Variants in DGKG observed in about 807,000 individuals in gnomAD.
DGKG encodes diacylglycerol kinase gamma.
DGKG carries 78 observed loss-of-function variants against 105.3 expected under a neutral mutation model. The ratio of observed to expected loss-of-function variants is 0.74; its 90% confidence interval spans 0.62 to 0.89. The LOEUF (loss-of-function observed/expected upper bound fraction) is 0.89, where lower values mean the gene tolerates loss of function less well. Among genes scored for constraint, DGKG ranks in the 40% least tolerant of loss-of-function variants. DGKG has a pLI of 0.00. For missense variants in DGKG, 958 were observed against 1,020.1 expected (o/e 0.94, Z 0.83); for synonymous variants, 346 against 367.1 (o/e 0.94, Z 0.66).
At chr3:186,350,933 G>A (rs1726601487) in intron 1 of DGKG, among the ~76,000 whole-genome samples, 1 of 152,034 alleles carries the variant, frequency 6.6e-6, no homozygotes. Flanking sequence ...ATCAATTTTT[G>A]AATTGGGTTT....
intron 1 of DGKG, among the ~76,000 whole-genome samples, chr3:186,333,371 T>C (rs930964848): frequency 4.6e-5 from 7 of 152,184 alleles, no homozygotes; most frequent in African/African-American, 7.2e-5. Context: ...CTATTTCTTT[T>C]TCTTAATGGG....
Position 186,226,670 on chromosome 3 carries a change from T to C in DGKG, c.1827-14785A>G, listed in dbSNP as rs139543717. On this transcript the variant is annotated intron_variant, in intron 20 of 24. Transcript: ENST00000265022. This position sits in a 1 kb window ranked among gnomAD's most constrained non-coding sequence, Gnocchi z 4.2. ...AGATTACAGACCCGCTTTCAGCTTATTGAGTTCAAAGGCAAGGTAGGGTAC... is the reference window on the plus strand; with the variant it reads ...AGATTACAGACCCGCTTTCAGCTTACTGAGTTCAAAGGCAAGGTAGGGTAC... Among the ~76,000 whole-genome samples, 1 of 152,316 alleles carries C rather than the reference T, an allele frequency of 6.6e-6. No homozygotes were observed. Among genetic ancestry groups the C allele is most frequent in the Non-Finnish European group, 1.5e-5 (1 of 68,020 alleles).
intron 6 of DGKG, among the ~76,000 whole-genome samples, chr3:186,287,047 T>TAAATAAATAAAC (rs1553813503): frequency 6.7e-6 from 1 of 150,284 alleles, no homozygotes; most frequent in Non-Finnish European, 1.5e-5. Context: ...AATAAATAAA[T>TAAATAAATAAAC]AAATAAATAA....
chr3:186,313,207 T>C (rs939290145), intron 2 of DGKG, among the ~76,000 whole-genome samples: 20 of 152,168 alleles, frequency 1.3e-4, no homozygotes, highest in Admixed American at 2.6e-4. Context: ...CTGGGAGGTG[T>C]GGGCAGAACA....
chr3:186,229,026 A>G (rs1719997297), intron 20 of DGKG, among the ~76,000 whole-genome samples: 1 of 152,212 alleles, frequency 6.6e-6, no homozygotes, highest in Non-Finnish European at 1.5e-5. Context: ...CCAGTGACTG[A>G]CGTCCTTATA....
intron 1 of DGKG, among the ~76,000 whole-genome samples, chr3:186,336,727 A>G (rs992973604): frequency 7.2e-5 from 11 of 152,164 alleles, no homozygotes; most frequent in Non-Finnish European, 1.6e-4. Flanking sequence ...TTGGCAGAGT[A>G]TGAGACAGAG....
At chr3:186,238,170 GC>G (rs1477036075) in intron 20 of DGKG, among the ~76,000 whole-genome samples, 1 of 151,780 alleles carries the variant, frequency 6.6e-6, no homozygotes, top group East Asian at 1.9e-4. Context: ...GGTGGTGTGT[GC>G]CTTTAATCCC....
chr3:186,345,421 CTATTT>C (rs1373141465), intron 1 of DGKG, among the ~76,000 whole-genome samples: 1 of 152,056 alleles, frequency 6.6e-6, no homozygotes, highest in African/African-American at 2.4e-5. Flanking sequence ...TTTTCATGCT[CTATTT>C]TATTATCATT....
chr3:186,304,181 C>T (rs1030013566), intron 3 of DGKG, among the ~76,000 whole-genome samples: 1 of 152,244 alleles, frequency 6.6e-6, no homozygotes, highest in Non-Finnish European at 1.5e-5. Context: ...TCCCACTCAT[C>T]AGCCCCAGGG....
chr3:186,191,315 AG>A (rs1717895702), intron 21 of DGKG, among the ~76,000 whole-genome samples: 1 of 152,252 alleles, frequency 6.6e-6, no homozygotes, highest in Non-Finnish European at 1.5e-5. Flanking sequence ...GAATCTTGCC[AG>A]GGATCAGAAT....
chr3:186,360,718 A>C lies in DGKG; in HGVS notation c.-249+1228T>G, dbSNP rs142780651. On this transcript the variant is annotated intron_variant, in intron 1 of 24. Coordinates refer to ENST00000265022, the MANE Select transcript of DGKG (RefSeq NM_001346.3). Reference sequence around the variant, plus strand: ...AGTGGCTCTGCCAGCTGTATTTTACAGACAGAGAATCCCAAGCACCAAAAT... The same window carrying C: ...AGTGGCTCTGCCAGCTGTATTTTACCGACAGAGAATCCCAAGCACCAAAAT... Among the ~76,000 whole-genome samples, 1,210 of 152,266 alleles carry C rather than the reference A, an allele frequency of 7.9e-3. 9 individuals are homozygous for C. Among genetic ancestry groups the C allele is most frequent in the Non-Finnish European group, 0.013 (882 of 68,010 alleles).
intron 2 of DGKG, among the ~76,000 whole-genome samples, chr3:186,308,267 G>A (rs1478313702): frequency 1.3e-5 from 2 of 152,108 alleles, no homozygotes; most frequent in East Asian, 1.9e-4. Flanking sequence ...CCAGAAAAGA[G>A]ACTCAATAAT....
At chr3:186,262,949 A>C (rs551252129) in intron 14 of DGKG, among the ~76,000 whole-genome samples, 29 of 152,238 alleles carry the variant, frequency 1.9e-4, no homozygotes, top group African/African-American at 7.0e-4. Context: ...CAACATGATG[A>C]AACCCCGTCT....
chr3:186,309,021 G>A (rs1201052743), intron 2 of DGKG, among the ~76,000 whole-genome samples: 1 of 152,148 alleles, frequency 6.6e-6, no homozygotes, highest in East Asian at 1.9e-4. Context: ...AAAAGTGTAT[G>A]GTCTTTTCCC....
chr3:186,354,110 G>T (rs994765842), intron 1 of DGKG, among the ~76,000 whole-genome samples: 3 of 152,054 alleles, frequency 2.0e-5, no homozygotes, highest in Non-Finnish European at 4.4e-5. Flanking sequence ...GAGTTTGGGG[G>T]GCTAGATGAG....
chr3:186,243,895 G>GTTTTTTTTTTTTTTTTTTTTT lies in DGKG; in HGVS notation c.1762-1328_1762-1327insAAAAAAAAAAAAAAAAAAAAA, dbSNP rs34134152. Among the ~76,000 whole-genome samples the GTTTTTTTTTTTTTTTTTTTTT allele has an allele frequency of 6.4e-4, 74 of 116,316 alleles. 6 individuals are homozygous for GTTTTTTTTTTTTTTTTTTTTT. The highest frequency in any genetic ancestry group is 2.5e-3 in the African/African-American group (70 of 27,556). 76.3% of individuals were successfully genotyped at this position (116,316 alleles called of 152,430 possible). A position where few individuals can be genotyped will look rare whatever the true frequency, so the allele number is the denominator to read the frequency against. ...CTATTTCTTATATGAAAATTTCTGT[G>GTTTTTTTTTTTTTTTTTTTTT]TTTTTTTTTTTTTTTTTTGAGATGG... On this transcript the variant is annotated intron_variant, in intron 19 of 24. Transcript: ENST00000265022.
intron 12 of DGKG, among the ~76,000 whole-genome samples, chr3:186,268,368 A>G (rs1722155228): frequency 6.6e-6 from 1 of 152,136 alleles, no homozygotes; most frequent in African/African-American, 2.4e-5. Context: ...AGCAGGTCCA[A>G]ACCTTTGGCC....
At chr3:186,187,905 G>T (rs1294545745) in intron 22 of DGKG, among the ~76,000 whole-genome samples, 1 of 152,180 alleles carries the variant, frequency 6.6e-6, no homozygotes, top group Admixed American at 6.5e-5. Flanking sequence ...GTTAGGAACT[G>T]ACTATTGGAT....
chr3:186,273,185 T>A (rs1722401381), intron 10 of DGKG, among the ~76,000 whole-genome samples: 1 of 152,144 alleles, frequency 6.6e-6, no homozygotes, highest in Non-Finnish European at 1.5e-5. Context: ...CATGAGATAG[T>A]TTGTGTAAAG....
Sources: gnomAD v4.1 joint callset for allele counts (sites outside exome capture counted in the v4.1 genomes callset) on GRCh38, gnomAD v4.1.1 for gene constraint, Gnocchi (gnomAD v3.1) non-coding constraint, MANE v1.5 for transcripts, NCBI Gene and HGNC (gene_info 2026-07-23, HGNC 2026-07-21) for gene names.